EFCAB13: variants seen among roughly 807,000 people sequenced by gnomAD.
The protein encoded by EFCAB13 is EF-hand calcium-binding domain-containing protein 13.
Under a neutral mutation model 110.2 loss-of-function variants are expected in EFCAB13, and 91 were observed. The ratio of observed to expected loss-of-function variants is 0.83; its 90% CI spans 0.70 to 0.98. The LOEUF (loss-of-function observed/expected upper bound fraction) is 0.98, where lower values mean the gene tolerates loss of function less well. Among genes scored for constraint, EFCAB13 ranks in the 50% least tolerant of loss-of-function variants. EFCAB13 has a pLI of 0.00. For missense variants in EFCAB13, 968 were observed against 1,119.4 expected (o/e 0.86, Z 1.93); for synonymous variants, 323 against 369.9 (o/e 0.87, Z 1.45).
At chr17:47,394,132 T>A (rs577270687) in intron 16 of EFCAB13, 33 bp downstream of exon 16, 1 of 1,369,866 alleles carries the variant, frequency 7.3e-7, no homozygotes, top group Non-Finnish European at 9.8e-7. Context: ...CTGCTTTTTG[T>A]GGACCAAATA....
At chr17:47,332,503 A>T (rs2065325124) in intron 4 of EFCAB13, among the ~76,000 whole-genome samples, 1 of 152,096 alleles carries the variant, frequency 6.6e-6, no homozygotes, top group Non-Finnish European at 1.5e-5. Context: ...TTGTTCCTCC[A>T]GTCTAACTGA....
chr17:47,345,829 A>G (rs569170475), intron 8 of EFCAB13, among the ~76,000 whole-genome samples: 10 of 152,236 alleles, frequency 6.6e-5, no homozygotes, highest in Non-Finnish European at 1.3e-4. Flanking sequence ...TGCCCTTAGC[A>G]CCAGTTGGTA....
At chr17:47,423,966 G>A (rs1345420279) in intron 23 of EFCAB13, among the ~76,000 whole-genome samples, 2 of 152,110 alleles carry the variant, frequency 1.3e-5, no homozygotes, top group African/African-American at 4.8e-5. Flanking sequence ...GCCTCGGGAG[G>A]GAGGGGGCGC....
chr17:47,350,531 G>T (rs1002008977), intron 9 of EFCAB13, among the ~76,000 whole-genome samples: 1 of 151,608 alleles, frequency 6.6e-6, no homozygotes, highest in South Asian at 2.1e-4. Flanking sequence ...CCACATACTC[G>T]TTAGTCATAA....
intron 21 of EFCAB13, among the ~76,000 whole-genome samples, chr17:47,410,959 C>T (rs556300831): frequency 1.1e-4 from 17 of 152,038 alleles, no homozygotes; most frequent in Non-Finnish European, 1.5e-5. Flanking sequence ...TTTCTGTTTT[C>T]GATTATTTGA....
At position 47,412,919 on chromosome 17, in the gene EFCAB13, G is replaced by A; in HGVS notation, c.2422+3G>A. 6.3e-7 allele frequency: 1 copy of A among 1,599,698 alleles called. No individual in the cohort carries two copies. The highest frequency in any genetic ancestry group is 8.5e-7 in the Non-Finnish European group (1 of 1,173,350). On this transcript the variant is annotated splice_donor_region_variant and intron_variant, in intron 22 of 24. Transcript: ENST00000331493. ...CCTTAACTGTTGTAACGTCAGTGGT[G>A]AGCATTTTTTTGGCCTGAGATTCTT...
intron 16 of EFCAB13, 119 bp from the exon 17 acceptor site, chr17:47,395,715 T>C: frequency 1.5e-6 from 1 of 680,858 alleles, no homozygotes; most frequent in Non-Finnish European, 2.2e-6. Context: ...TCATTTATGC[T>C]ATATTTATTA....
chr17:47,398,819 C>A (rs2065762966), intron 17 of EFCAB13, among the ~76,000 whole-genome samples: 1 of 151,462 alleles, frequency 6.6e-6, no homozygotes, highest in South Asian at 2.1e-4. Context: ...CCAAATCCCC[C>A]TCTGCGAGAA....
At chr17:47,420,547 T>C (rs1904628301) in intron 23 of EFCAB13, among the ~76,000 whole-genome samples, 1 of 150,266 alleles carries the variant, frequency 6.7e-6, no homozygotes. Context: ...GTGAGGAGCG[T>C]CTCTGCCCGG....
intron 24 of EFCAB13, chr17:47,430,190 C>T (rs2143518137): frequency 2.7e-6 from 3 of 1,124,208 alleles, no homozygotes; most frequent in Non-Finnish European, 1.1e-6. Context: ...CTGACAGTAC[C>T]TAGGAGGTGA....
intron 8 of EFCAB13, among the ~76,000 whole-genome samples, chr17:47,346,433 A>AACCC (rs2065416316): frequency 3.2e-5 from 3 of 94,360 alleles, no homozygotes; most frequent in East Asian, 3.0e-4. Context: ...AACGTACTTT[A>AACCC]CCCCCCCCCC....
intron 23 of EFCAB13, among the ~76,000 whole-genome samples, chr17:47,425,419 T>A (rs1312043125): frequency 6.6e-6 from 1 of 152,176 alleles, no homozygotes; most frequent in Non-Finnish European, 1.5e-5. Flanking sequence ...GAAGGTGCTA[T>A]AGGTTATTGT....
At chr17:47,353,275 A>ATATT (rs964734963) in intron 9 of EFCAB13, among the ~76,000 whole-genome samples, 35 of 151,410 alleles carry the variant, frequency 2.3e-4, no homozygotes, top group African/African-American at 6.5e-4. Context: ...ATCAGATTGT[A>ATATT]TATTTATTTA....
chr17:47,365,752 C>G (rs895827433), intron 10 of EFCAB13, among the ~76,000 whole-genome samples: 3 of 152,096 alleles, frequency 2.0e-5, no homozygotes, highest in Non-Finnish European at 4.4e-5. Context: ...TATGTTCGAT[C>G]TGCTTGGGGC....
intron 17 of EFCAB13, among the ~76,000 whole-genome samples, chr17:47,400,663 T>G (rs2065773852): frequency 7.0e-6 from 1 of 142,520 alleles, no homozygotes; most frequent in Non-Finnish European, 1.5e-5. Flanking sequence ...CCCTCCCTTC[T>G]CCTCCCCTCC....
At chr17:47,338,855 T>C (rs1743934767) in intron 5 of EFCAB13, among the ~76,000 whole-genome samples, 1 of 151,774 alleles carries the variant, frequency 6.6e-6, no homozygotes, top group Admixed American at 6.6e-5. Flanking sequence ...GGATAGTGTG[T>C]CAAAAAAGCA....
At chr17:47,389,883 A>T (rs1200718130) in intron 14 of EFCAB13, among the ~76,000 whole-genome samples, 7 of 152,192 alleles carry the variant, frequency 4.6e-5, no homozygotes, top group Admixed American at 3.9e-4. Context: ...TTTAATTTTT[A>T]AATGGGAATT....
chr17:47,345,136 T>C, intron 8 of EFCAB13, 38 bp downstream of exon 8: 1 of 1,441,380 alleles, frequency 6.9e-7, no homozygotes. Context: ...ATACATTTCC[T>C]GGTTATGTGC....
chr17:47,374,122 A>G (rs2065600294), intron 11 of EFCAB13, among the ~76,000 whole-genome samples: 2 of 152,158 alleles, frequency 1.3e-5, no homozygotes. Context: ...TCTGCCTTTT[A>G]TAAGTAAGGA....
Sources: gnomAD v4.1 joint callset for allele counts (sites outside exome capture counted in the v4.1 genomes callset) on GRCh38, gnomAD v4.1.1 for gene constraint, MANE v1.5 for transcripts, NCBI Gene and HGNC (gene_info 2026-07-23, HGNC 2026-07-21) for gene names.